Variants in RPAP1 observed in about 807,000 individuals in gnomAD.
The protein encoded by RPAP1 is RNA polymerase II associated protein 1.
In RPAP1, 109 loss-of-function variants were observed where a neutral mutation model predicts 142.4. That is an observed-to-expected ratio of 0.77 (90% CI 0.66 to 0.90). The LOEUF (loss-of-function observed/expected upper bound fraction) is 0.90. Ranked by LOEUF, RPAP1 falls within the 40% of genes least tolerant of loss-of-function variation. The pLI is 0.00. For missense variants in RPAP1, 1,546 were observed against 1,751.7 expected (o/e 0.88, Z 2.10); for synonymous variants, 704 against 738.9 (o/e 0.95, Z 0.77).
intron 2 of RPAP1, 31 bp downstream of exon 2, chr15:41,536,914 A>G: frequency 6.2e-7 from 1 of 1,607,180 alleles, no homozygotes; most frequent in East Asian, 2.2e-5. Flanking sequence ...TACCCTCTCT[A>G]CTTCTCAGCC....
At chr15:41,527,744 C>T in intron 11 of RPAP1, 116 bp downstream of exon 11, 2 of 1,477,468 alleles carry the variant, frequency 1.4e-6, no homozygotes, top group South Asian at 1.3e-5. Flanking sequence ...AGGGAGACGC[C>T]TGCCATCCCA....
chr15:41,527,532 T>A lies in RPAP1; in HGVS notation c.1502A>T (p.Lys501Met). The A allele has an allele frequency of 6.2e-7, 1 of 1,614,132 alleles. No homozygotes were observed. Among genetic ancestry groups the A allele is most frequent in the Non-Finnish European group, 8.5e-7 (1 of 1,179,996 alleles). The change falls in exon 12 of 25, where the codon AAG (lysine) becomes ATG (methionine). Residue 501 changes from lysine (K) to methionine (M), a missense_variant. Lys to Met is a moderately conservative substitution (Grantham distance 95). Transcript: ENST00000304330. ...TTCTTCATCCTCGTCCTCATCCTCC[T>A]TGTCCTCCTGGCTGGGCATCAGAGG... ...TFPLMPSQED[K>M]EDEDEDEECP...
At chr15:41,523,542 A>C (rs1188152528) in intron 17 of RPAP1, among the ~76,000 whole-genome samples, 188 bp from the exon 18 acceptor site, 1 of 152,218 alleles carries the variant, frequency 6.6e-6, no homozygotes, top group Admixed American at 6.5e-5. Flanking sequence ...CACACAGGCT[A>C]CAGGAAGGCT....
At chr15:41,540,037 A>T (rs917004934) in intron 1 of RPAP1, among the ~76,000 whole-genome samples, 4 of 152,100 alleles carry the variant, frequency 2.6e-5, no homozygotes, top group Non-Finnish European at 2.9e-5. Context: ...CGTCTCAAAA[A>T]AATAATAATA....
chr15:41,522,056 A>G, intron 20 of RPAP1, 42 bp downstream of exon 20: 1 of 1,604,458 alleles, frequency 6.2e-7, no homozygotes, highest in Non-Finnish European at 8.5e-7. Flanking sequence ...CAGGAAGGAG[A>G]TAATGGGATG....
At chr15:41,525,296 C>G in intron 14 of RPAP1, 148 bp from the exon 15 acceptor site, 1 of 407,252 alleles carries the variant, frequency 2.5e-6, no homozygotes, top group Non-Finnish European at 4.3e-6. Flanking sequence ...GCCCTTCCTT[C>G]TTATTATTTA....
chr15:41,535,658 T>A (rs1274074907), intron 4 of RPAP1, 26 bp from the exon 5 acceptor site: 1 of 1,606,330 alleles, frequency 6.2e-7, no homozygotes, highest in South Asian at 1.1e-5. Context: ...AAAACCCAGG[T>A]TACTGATGCT....
intron 21 of RPAP1, 54 bp downstream of exon 21, chr15:41,521,684 C>G: frequency 6.3e-7 from 1 of 1,592,772 alleles, no homozygotes; most frequent in Non-Finnish European, 8.6e-7. Context: ...GCTCTGTTAA[C>G]AACTGCAGCA....
In RPAP1 at chr15:41,522,825, G is replaced by C; in HGVS notation, c.2682C>G (p.Leu894=). 6.3e-7 allele frequency: 1 copy of C among 1,586,552 alleles called. No individual in the cohort carries two copies. Among genetic ancestry groups the C allele is most frequent in the Non-Finnish European group, 8.5e-7 (1 of 1,171,148 alleles). The change falls in exon 19 of 25, where the codon CTC becomes CTG. Residue 894 remains leucine, a synonymous_variant. Coordinates refer to ENST00000304330, the MANE Select transcript of RPAP1 (RefSeq NM_015540.4). ...TATTAAGAAGAGAGAGGAGGGCAGT[G>C]AGGAATGGGAAGGGTGAGGCTGAGC... ...LAGSASPFPF[L]TALLSLLNTL... is the part of the protein sequence containing the mutation.
chr15:41,538,708 C>G (rs2051940107), intron 1 of RPAP1, among the ~76,000 whole-genome samples: 1 of 151,964 alleles, frequency 6.6e-6, no homozygotes, highest in African/African-American at 2.4e-5. Context: ...TAGTCTTCAC[C>G]CAGTTTCTCC....
At position 41,528,026 on chromosome 15, in the gene RPAP1, G is replaced by A; in HGVS notation, c.1262C>T (p.Ala421Val). 1 of 1,613,738 alleles carries A rather than the reference G, an allele frequency of 6.2e-7. No individual in the cohort carries two copies. Among genetic ancestry groups the A allele is most frequent in the South Asian group, 1.1e-5 (1 of 91,006 alleles). Reference sequence around the variant, plus strand: ...CCGGTCCCCAAACTCACCAGCCTGGGCCTGAGGGCAGGAGGGTAAAACCTT... The same window carrying A: ...CCGGTCCCCAAACTCACCAGCCTGGACCTGAGGGCAGGAGGGTAAAACCTT... ...LHVLAQVISR[A>V]QAGEFGDRLA... Residue 421 changes from alanine (A) to valine (V), a missense_variant and splice_region_variant, in exon 11 of 25, where the codon GCC (alanine) becomes GTC (valine). Ala to Val is a moderately conservative substitution (Grantham distance 64). Transcript: ENST00000304330.
chr15:41,528,942 T>C (rs938800183), intron 9 of RPAP1, among the ~76,000 whole-genome samples: 1 of 149,838 alleles, frequency 6.7e-6, no homozygotes. Context: ...GCATGGAGAG[T>C]GAGCAGACCA....
intron 1 of RPAP1, 64 bp from the exon 2 acceptor site, chr15:41,537,265 GC>G (rs2051921898): frequency 1.3e-6 from 1 of 781,268 alleles, no homozygotes; most frequent in Non-Finnish European, 2.0e-6. Context: ...TTGGGCAACA[GC>G]GAAGATCTTC....
intron 6 of RPAP1, among the ~76,000 whole-genome samples, 200 bp from the exon 7 acceptor site, chr15:41,531,402 C>A (rs114547020): frequency 5.9e-5 from 9 of 151,476 alleles, no homozygotes; most frequent in African/African-American, 2.0e-4. Context: ...TCACTAGGCC[C>A]ACCTGCCCAC....
chr15:41,535,058 T>C, intron 5 of RPAP1, 123 bp from the exon 6 acceptor site: 2 of 879,456 alleles, frequency 2.3e-6, no homozygotes. Flanking sequence ...TTCCTCAGAG[T>C]GGAGACCCCA....
Position 41,524,248 on chromosome 15 carries a change from G to T in RPAP1, c.2082C>A (p.Leu694=), listed in dbSNP as rs377353071. ...GCAAGGCCCGCATCAGCACTGGGTA[G>T]AGCTCCCTAGGGAAGAACAGGGACT... ...YGQGGYLYRE[L]YPVLMRALQV... Residue 694 remains leucine, a synonymous_variant, in exon 16 of 25, where the codon CTC becomes CTA. Coordinates refer to ENST00000304330, the MANE Select transcript of RPAP1 (RefSeq NM_015540.4). The T allele has an allele frequency of 3.9e-6, 6 of 1,525,560 alleles. No individual in the cohort carries two copies. Among genetic ancestry groups the T allele is most frequent in the Non-Finnish European group, 4.4e-6 (5 of 1,137,200 alleles). 94.5% of individuals were successfully genotyped at this position (1,525,560 alleles called of 1,614,324 possible). A position where few individuals can be genotyped will look rare whatever the true frequency, so the allele number is the denominator to read the frequency against.
intron 18 of RPAP1, 107 bp downstream of exon 18, chr15:41,523,138 C>T (rs549629689): frequency 3.5e-5 from 34 of 978,656 alleles, no homozygotes; most frequent in Admixed American, 2.2e-4. Context: ...TCCCTCGGGC[C>T]GAGGGCCTGC....
chr15:41,520,303 A>G (rs767120153), intron 22 of RPAP1, 88 bp downstream of exon 22: 29 of 1,418,344 alleles, frequency 2.0e-5, no homozygotes, highest in Non-Finnish European at 2.8e-5. Flanking sequence ...GAGGAAGCTG[A>G]GGTCTTCCAA....
chr15:41,522,624 A>C, intron 19 of RPAP1, 141 bp downstream of exon 19: 1 of 700,844 alleles, frequency 1.4e-6, no homozygotes, highest in South Asian at 2.3e-5. Context: ...TCCCGACCTC[A>C]GGTGATCTGC....
Sources: allele counts gnomAD v4.1 joint callset (sites outside exome capture counted in the v4.1 genomes callset), GRCh38; gene constraint gnomAD v4.1.1; transcripts MANE v1.5; gene names NCBI Gene and HGNC (gene_info 2026-07-23, HGNC 2026-07-21).